ADAM32: variants seen among roughly 807,000 people sequenced by gnomAD.
The protein encoded by ADAM32 is disintegrin and metalloproteinase domain-containing protein 32.
ADAM32 carries 89 observed loss-of-function variants against 114.9 expected under a neutral mutation model. The observed-to-expected ratio is 0.77, with a 90% CI of 0.65 to 0.92. The LOEUF (loss-of-function observed/expected upper bound fraction) is 0.92. Ranked by LOEUF, ADAM32 falls within the 40% of genes least tolerant of loss-of-function variation. The probability of loss-of-function intolerance (pLI) is 0.00; values close to 1 mark genes in which losing one functional copy is unlikely to be tolerated. For synonymous variants in ADAM32, 285 were observed against 307.5 expected, an observed-to-expected ratio of 0.93 and a Z score of 0.77; for missense variants, 870 against 932.8, an observed-to-expected ratio of 0.93 and a Z score of 0.88.
chr8:39,267,776 G>A (rs181737189), intron 19 of ADAM32, among the ~76,000 whole-genome samples: 13 of 152,180 alleles, frequency 8.5e-5, no homozygotes, highest in African/African-American at 4.8e-5. Flanking sequence ...AGCTGAACCC[G>A]GTTGGCTAAC....
intron 2 of ADAM32, among the ~76,000 whole-genome samples, chr8:39,124,753 G>A (rs1159958866): frequency 1.3e-5 from 2 of 152,190 alleles, no homozygotes; most frequent in African/African-American, 2.4e-5. Context: ...ATTGTTGATG[G>A]GCATTTGGGT....
intron 19 of ADAM32, among the ~76,000 whole-genome samples, chr8:39,263,598 T>C (rs1812178366): frequency 6.6e-6 from 1 of 152,196 alleles, no homozygotes; most frequent in Admixed American, 6.5e-5. Flanking sequence ...TATCCTGAAA[T>C]TCATTATTTT....
chr8:39,271,631 T>C (rs1159492993), intron 20 of ADAM32, among the ~76,000 whole-genome samples: 2 of 152,040 alleles, frequency 1.3e-5, no homozygotes, highest in Non-Finnish European at 2.9e-5. Flanking sequence ...AAAGATTTTA[T>C]TTTTAAATTG....
chr8:39,221,792 C>A, intron 13 of ADAM32, 90 bp downstream of exon 13: 1 of 695,440 alleles, frequency 1.4e-6, no homozygotes, highest in Non-Finnish European at 2.2e-6. Flanking sequence ...GTAATTACAT[C>A]AATTAAATTA....
chr8:39,254,351 G>T, intron 17 of ADAM32, 63 bp from the exon 18 acceptor site: 1 of 1,324,208 alleles, frequency 7.6e-7, no homozygotes. Context: ...AAGTAAGCTT[G>T]ATGCTCACCT....
At chr8:39,162,956 G>A (rs1484409755) in intron 7 of ADAM32, among the ~76,000 whole-genome samples, 13 of 152,124 alleles carry the variant, frequency 8.5e-5, no homozygotes, top group Non-Finnish European at 1.5e-4. Context: ...AGCCGAGATC[G>A]CACCACTGGC....
At chr8:39,181,826 A>G (rs778924275) in intron 10 of ADAM32, among the ~76,000 whole-genome samples, 2 of 152,140 alleles carry the variant, frequency 1.3e-5, no homozygotes, top group African/African-American at 2.4e-5. Context: ...AATGCAGATG[A>G]TCAGTCTGTG....
chr8:39,108,863 C>A (rs1241341240), intron 1 of ADAM32, among the ~76,000 whole-genome samples: 2 of 152,108 alleles, frequency 1.3e-5, no homozygotes, highest in Non-Finnish European at 2.9e-5. Context: ...CTACCTTCTC[C>A]CTGCGTACTC....
intron 16 of ADAM32, among the ~76,000 whole-genome samples, chr8:39,237,089 C>A (rs188102033): frequency 1.3e-3 from 199 of 152,268 alleles, no homozygotes; most frequent in Middle Eastern, 3.4e-3. Context: ...ACTGGAGAAC[C>A]TGAAAATCCA....
At chr8:39,215,622 CT>C (rs1459915609) in intron 12 of ADAM32, among the ~76,000 whole-genome samples, 2 of 151,864 alleles carry the variant, frequency 1.3e-5, no homozygotes, top group East Asian at 3.9e-4. Context: ...TTTAAATTTC[CT>C]TGTTAATCTC....
At chr8:39,199,159 T>G (rs1350429632) in intron 11 of ADAM32, among the ~76,000 whole-genome samples, 6 of 152,220 alleles carry the variant, frequency 3.9e-5, no homozygotes, top group Admixed American at 2.6e-4. Flanking sequence ...GTTTTTGAAT[T>G]TTGGTAGTTT....
Position 39,187,041 on chromosome 8 carries a change from G to C in ADAM32, c.1048G>C (p.Val350Leu), listed in dbSNP as rs1806287512. ...SESTCIMNPE[V>L]VQSNGVKTFS... ...ATCCACCTGTATAATGAATCCAGAA[G>C]TTGTGTAAGTTTTAACAATTTATTT... The change falls in exon 11 of 25, where the codon GTT becomes CTT. Residue 350 changes from valine (V) to leucine (L), a missense_variant. Physicochemically the swap from Val to Leu is conservative, Grantham distance 32. Coordinates refer to ENST00000379907, the MANE Select transcript of ADAM32 (RefSeq NM_145004.7). 7 of 1,599,608 alleles carry C rather than the reference G, an allele frequency of 4.4e-6. No homozygotes were observed. In the South Asian group the frequency reaches 8.0e-5, roughly 18 times the overall value.
At chr8:39,157,614 G>A (rs1804221079) in intron 6 of ADAM32, 1 of 565,516 alleles carries the variant, frequency 1.8e-6, no homozygotes, top group African/African-American at 1.9e-5. Flanking sequence ...GTTTGGAAGC[G>A]GCCATGGCCA....
intron 10 of ADAM32, among the ~76,000 whole-genome samples, chr8:39,183,358 G>C (rs759866414): frequency 2.0e-5 from 3 of 152,156 alleles, no homozygotes; most frequent in Admixed American, 1.3e-4. Flanking sequence ...GTCCCAGAAT[G>C]GTGGGGAAGT....
Position 39,173,031 on chromosome 8 carries a change from G to A in ADAM32, c.915+3034G>A, listed in dbSNP as rs559199252. Among the ~76,000 whole-genome samples the A allele has an allele frequency of 7.9e-5, 12 of 152,298 alleles. No homozygotes were observed. In the East Asian group the frequency reaches 1.5e-3, roughly 20 times the overall value. ...TCCCAGCATTCTGGGAGGCTGAGGC[G>A]GGTGGATCACGAGGTCAGGAGTTTG... On this transcript the variant is annotated intron_variant, in intron 10 of 24. Transcript: ENST00000379907.
intron 6 of ADAM32, 54 bp downstream of exon 6, chr8:39,151,602 A>C: frequency 8.1e-7 from 1 of 1,237,798 alleles, no homozygotes; most frequent in Non-Finnish European, 1.1e-6. Context: ...CTTCCATTTA[A>C]TTTATTTAAA....
chr8:39,266,401 A>G (rs1306364563), intron 19 of ADAM32, among the ~76,000 whole-genome samples: 1 of 152,188 alleles, frequency 6.6e-6, no homozygotes, highest in East Asian at 1.9e-4. Flanking sequence ...GTGTTGTTTC[A>G]AAGAAATGGT....
chr8:39,276,612 G>T (rs1357305735), intron 22 of ADAM32, among the ~76,000 whole-genome samples: 1 of 152,156 alleles, frequency 6.6e-6, no homozygotes, highest in Non-Finnish European at 1.5e-5. Context: ...AACTCTCTAA[G>T]CTGCACAACA....
Position 39,223,020 on chromosome 8 carries a change from T to A in ADAM32, c.1327-20T>A. ...ATCCTATTTGTAATGCTTTATTTTT[T>A]ATGTTCTAACTTCTCTTAGATTTTA... On this transcript the variant is annotated intron_variant, in intron 13 of 24. Coordinates refer to ENST00000379907, the MANE Select transcript of ADAM32 (RefSeq NM_145004.7). 1 of 1,521,832 alleles carries A rather than the reference T, an allele frequency of 6.6e-7. No homozygotes were observed. The highest frequency in any genetic ancestry group is 1.3e-5 in the South Asian group (1 of 74,576). The allele number at this position is 1,521,832 out of a possible 1,614,324, so 94.3% of individuals were successfully genotyped here.
Sources: allele counts gnomAD v4.1 joint callset (sites outside exome capture counted in the v4.1 genomes callset), GRCh38; gene constraint gnomAD v4.1.1; transcripts MANE v1.5; gene names NCBI Gene and HGNC (gene_info 2026-07-23, HGNC 2026-07-21).